ESRRB: variants seen among roughly 807,000 people sequenced by gnomAD.
ESRRB encodes the protein steroid hormone receptor ERR2.
Under a neutral mutation model 46.0 loss-of-function variants are expected in ESRRB, and 16 were observed. The observed-to-expected ratio is 0.35, with a 90% CI of 0.24 to 0.53. The LOEUF is 0.53. ESRRB is among the 20% of genes least tolerant of loss of function. ESRRB has a pLI of 0.93. For synonymous variants in ESRRB, 246 were observed against 259.6 expected (o/e 0.95, Z 0.50); for missense variants, 488 against 607.4 (o/e 0.80, Z 2.07).
chr14:76,479,742 G>C (rs370098286), intron 3 of ESRRB, among the ~76,000 whole-genome samples: 2 of 152,188 alleles, frequency 1.3e-5, no homozygotes, highest in African/African-American at 4.8e-5. Flanking sequence ...GGCTGAGCCT[G>C]TGTCACGGGT....
chr14:76,428,150 C>T (rs965118090), intron 1 of ESRRB, among the ~76,000 whole-genome samples: 1 of 152,102 alleles, frequency 6.6e-6, no homozygotes, highest in African/African-American at 2.4e-5. Context: ...AGGCATGCAC[C>T]ACCATGCCTG....
intron 1 of ESRRB, among the ~76,000 whole-genome samples, chr14:76,414,589 C>G (rs1167014319): frequency 1.3e-5 from 2 of 150,290 alleles, no homozygotes; most frequent in South Asian, 4.2e-4. Flanking sequence ...CCCCACTCCC[C>G]CAACCAGTCA....
intron 1 of ESRRB, among the ~76,000 whole-genome samples, chr14:76,402,731 G>A (rs1180731592): frequency 6.6e-6 from 1 of 152,066 alleles, no homozygotes; most frequent in Non-Finnish European, 1.5e-5. Flanking sequence ...TGCGGGTCTC[G>A]CTATGTTGCC....
At chr14:76,355,881 C>T (rs1884373236) in intron 1 of ESRRB, among the ~76,000 whole-genome samples, 1 of 152,188 alleles carries the variant, frequency 6.6e-6, no homozygotes, top group South Asian at 2.1e-4. Flanking sequence ...GAATAGTATT[C>T]TCTCTCACCC....
At chr14:76,443,696 T>A (rs1355421986) in intron 2 of ESRRB, among the ~76,000 whole-genome samples, 5 of 151,544 alleles carry the variant, frequency 3.3e-5, no homozygotes, top group African/African-American at 1.2e-4. Context: ...TTGAATCACA[T>A]TTTTTGAAAG....
chr14:76,482,568 C>T lies in ESRRB; in HGVS notation c.689-30C>T. On this transcript the variant is annotated intron_variant, in intron 4 of 6. Transcript: ENST00000644823. The surrounding 1 kb of genome is among the most constrained non-coding windows in gnomAD (Gnocchi z 4.3). ...CCCGGCCCCTTTCCTCTTTTCCCAG[C>T]ATTTACCTTTCCCTCTTTGGTTGTT... The T allele has an allele frequency of 3.7e-6, 6 of 1,613,928 alleles. No homozygotes were observed. The highest frequency in any genetic ancestry group is 5.1e-6 in the Non-Finnish European group (6 of 1,179,848).
intron 6 of ESRRB, chr14:76,495,617 TA>T (rs1327594260): frequency 7.4e-6 from 1 of 135,840 alleles, no homozygotes; most frequent in East Asian, 2.2e-4. Flanking sequence ...CAGAAATAAA[TA>T]AATAAATAAA....
At position 76,491,383 on chromosome 14, in the gene ESRRB, C is replaced by T. The variant is rs1890218625; in HGVS notation, c.851-64C>T. 1.9e-6 allele frequency: 3 copies of T among 1,562,308 alleles called. No homozygotes were observed. In the African/African-American group the frequency reaches 4.0e-5, roughly 21 times the overall value. On this transcript the variant is annotated intron_variant, in intron 5 of 6. Coordinates refer to ENST00000644823, the MANE Select transcript of ESRRB (RefSeq NM_001379180.1). Reference sequence around the variant, plus strand: ...CTGCAACCTCTGCCCCCAGCGAGCCCCAGGGAGGCCCCTGGTCCGCCCTCC... The same window carrying T: ...CTGCAACCTCTGCCCCCAGCGAGCCTCAGGGAGGCCCCTGGTCCGCCCTCC...
chr14:76,500,725 C>G lies in ESRRB; in HGVS notation c.*2267C>G, dbSNP rs762336200. 9 of 1,613,986 alleles carry G rather than the reference C, an allele frequency of 5.6e-6. No homozygotes were observed. In the South Asian group the frequency reaches 9.9e-5, roughly 18 times the overall value. ...GCATCTCTGGCTCACCATGTAACAT[C>G]TGGCTTGGAGCAAGTGGGTGTTCTG... On this transcript the variant is annotated 3_prime_UTR_variant, in exon 7 of 7. Transcript: ENST00000644823.
At chr14:76,418,430 A>G (rs944349947) in intron 1 of ESRRB, among the ~76,000 whole-genome samples, 1 of 152,176 alleles carries the variant, frequency 6.6e-6, no homozygotes, top group East Asian at 1.9e-4. Context: ...GTACATTACT[A>G]TGAACTAACC....
In ESRRB at chr14:76,489,359, A is replaced by G. The variant is rs76261289; in HGVS notation, c.851-2088A>G. Among the ~76,000 whole-genome samples, 694 of 150,880 alleles carry G rather than the reference A, an allele frequency of 4.6e-3. 5 individuals are homozygous for G. Among genetic ancestry groups the G allele is most frequent in the South Asian group, 0.018 (88 of 4,780 alleles). On this transcript the variant is annotated intron_variant, in intron 5 of 6. Coordinates refer to ENST00000644823, the MANE Select transcript of ESRRB (RefSeq NM_001379180.1). Reference sequence around the variant, plus strand: ...ACCTGATAAGGGAAATTGGATGTCCATTTCTATCTATCTTTTATTACCTCC... The same window carrying G: ...ACCTGATAAGGGAAATTGGATGTCCGTTTCTATCTATCTTTTATTACCTCC...
At chr14:76,371,103 A>G (rs1884614233), upstream of ESRRB, among the ~76,000 whole-genome samples, 1 of 152,206 alleles carries the variant, frequency 6.6e-6, no homozygotes, top group Non-Finnish European at 1.5e-5. Context: ...CAGTGCTAAT[A>G]GGACATGAGC....
chr14:76,351,776 G>C (rs745886740), intron 1 of ESRRB, among the ~76,000 whole-genome samples: 4 of 152,024 alleles, frequency 2.6e-5, no homozygotes, highest in African/African-American at 4.8e-5. Context: ...AAACCAACAA[G>C]AAACAAGGAC....
intron 2 of ESRRB, among the ~76,000 whole-genome samples, chr14:76,454,649 G>C (rs1837472216): frequency 1.3e-5 from 2 of 152,130 alleles, no homozygotes; most frequent in African/African-American, 2.4e-5. Context: ...AGATCTGCTG[G>C]AGCCTACAAA....
chr14:76,385,942 G>A (rs1228639329), intron 1 of ESRRB, among the ~76,000 whole-genome samples: 1 of 152,128 alleles, frequency 6.6e-6, no homozygotes, highest in African/African-American at 2.4e-5. Flanking sequence ...TGAAGATTTA[G>A]TCAGAGGACA....
chr14:76,350,567 CCCCAGTTTTCAG>C lies in ESRRB; in HGVS notation c.2+39652_2+39663del, dbSNP rs548109056. Among the ~76,000 whole-genome samples the C allele has an allele frequency of 9.0e-4, 137 of 152,294 alleles. 1 individual carries two copies. The highest frequency in any genetic ancestry group is 3.2e-3 in the African/African-American group (132 of 41,570). ...CTTCACAATGAGGGACTGAGTCACT[CCCCAGTTTTCAG>C]ATTTGGCACTTTGTTTATTTTCAAA... On this transcript the variant is annotated intron_variant, in intron 1 of 6. Coordinates refer to the ESRRB transcript ENST00000512784.
intron 1 of ESRRB, among the ~76,000 whole-genome samples, chr14:76,350,812 C>T (rs765229639): frequency 6.6e-6 from 1 of 152,276 alleles, no homozygotes; most frequent in East Asian, 1.9e-4. Context: ...GATGGACTAG[C>T]AGGACGCAGC....
chr14:76,403,640 C>T (rs1356762294), intron 1 of ESRRB, among the ~76,000 whole-genome samples: 3 of 152,120 alleles, frequency 2.0e-5, no homozygotes, highest in African/African-American at 7.2e-5. Context: ...TTCCTTGCTG[C>T]ACGAGGCCCC....
Position 76,439,543 on chromosome 14 carries a change from G to C in ESRRB, c.253G>C (p.Gly85Arg). The C allele has an allele frequency of 6.2e-7, 1 of 1,613,858 alleles. No homozygotes were observed. Among genetic ancestry groups the C allele is most frequent in the Non-Finnish European group, 8.5e-7 (1 of 1,179,986 alleles). The change falls in exon 2 of 7, where the codon GGC becomes CGC. Residue 85 changes from glycine (G) to arginine (R), a missense_variant. Physicochemically the swap from Gly to Arg is moderately radical, Grantham distance 125 (BLOSUM62 -2). Coordinates refer to ENST00000644823, the MANE Select transcript of ESRRB (RefSeq NM_001379180.1). Reference protein sequence around the residue: ...NGLDSPPMFAGAGLGGTPCRK... With the variant: ...NGLDSPPMFARAGLGGTPCRK... ...TCTGGACTCGCCACCCATGTTTGCA[G>C]GCGCCGGGCTGGGAGGCACCCCATG...
Sources: allele counts gnomAD v4.1 joint callset (sites outside exome capture counted in the v4.1 genomes callset), GRCh38; gene constraint gnomAD v4.1.1; non-coding constraint Gnocchi (gnomAD v3.1); transcripts MANE v1.5; gene names NCBI Gene and HGNC (gene_info 2026-07-23, HGNC 2026-07-21).